Variants in SVIL observed in about 807,000 individuals in gnomAD.
SVIL encodes the protein archvillin.
Under a neutral mutation model 240.4 loss-of-function variants are expected in SVIL, and 101 were observed. The observed-to-expected ratio is 0.42, with a 90% CI of 0.36 to 0.50. The LOEUF is 0.50. SVIL is among the 20% of genes least tolerant of loss of function. The probability of loss-of-function intolerance (pLI) is 0.01; values close to 1 mark genes in which losing one functional copy is unlikely to be tolerated. For synonymous variants in SVIL, 999 were observed against 1,100.0 expected (o/e 0.91, Z 1.82); for missense variants, 2,512 against 2,818.7 (o/e 0.89, Z 2.46).
At chr10:29,537,464 G>C (rs572891913) in intron 6 of SVIL, among the ~76,000 whole-genome samples, 1 of 152,188 alleles carries the variant, frequency 6.6e-6, no homozygotes, top group Non-Finnish European at 1.5e-5. Flanking sequence ...GAAACATCAT[G>C]GGTAAGGACA....
chr10:29,521,924 C>T (rs1351561989), intron 16 of SVIL, among the ~76,000 whole-genome samples: 1 of 152,110 alleles, frequency 6.6e-6, no homozygotes, highest in Non-Finnish European at 1.5e-5. Context: ...GTAAAAGAAA[C>T]AAAACTTGGA....
At chr10:29,705,832 C>T (rs1033032690) in intron 1 of SVIL, among the ~76,000 whole-genome samples, 1 of 152,138 alleles carries the variant, frequency 6.6e-6, no homozygotes, top group African/African-American at 2.4e-5. Context: ...CCTTTTTATG[C>T]CTGCATAGTA....
intron 1 of SVIL, among the ~76,000 whole-genome samples, chr10:29,695,601 A>C (rs1961867488): frequency 6.6e-6 from 1 of 151,890 alleles, no homozygotes; most frequent in Non-Finnish European, 1.5e-5. Flanking sequence ...AAAATTAGCC[A>C]GGTGTGGTGG....
chr10:29,653,222 C>A (rs1327777070), intron 3 of SVIL, among the ~76,000 whole-genome samples: 1 of 152,152 alleles, frequency 6.6e-6, no homozygotes, highest in African/African-American at 2.4e-5. Flanking sequence ...GTGATTGGAT[C>A]GTGGGGGCAA....
intron 1 of SVIL, among the ~76,000 whole-genome samples, chr10:29,695,635 T>C (rs1470432816): frequency 2.0e-5 from 3 of 151,844 alleles, no homozygotes; most frequent in Non-Finnish European, 4.4e-5. Flanking sequence ...TCCCAGCTAC[T>C]CAGGATGCTG....
At chr10:29,706,088 T>A (rs1962872743) in intron 1 of SVIL, among the ~76,000 whole-genome samples, 1 of 152,202 alleles carries the variant, frequency 6.6e-6, no homozygotes. Flanking sequence ...GTTCCATGTC[T>A]TTGCTATTGT....
rs1236733617 is a variant in SVIL at position 29,518,173 on chromosome 10, A to G, written c.3389+4237T>C. On this transcript the variant is annotated intron_variant, in intron 16 of 37. Transcript: ENST00000355867. ...GAGGCCTAGACGGGTGGATCACTGGAGGTCAGGAGTTTGACACCAGCCTGG... is the reference window on the plus strand; with the variant it reads ...GAGGCCTAGACGGGTGGATCACTGGGGGTCAGGAGTTTGACACCAGCCTGG... Among the ~76,000 whole-genome samples the G allele has an allele frequency of 2.0e-5, 3 of 152,310 alleles. No individual in the cohort carries two copies. In the East Asian group the frequency reaches 5.8e-4, roughly 29 times the overall value.
chr10:29,495,409 G>A (rs997419035), intron 18 of SVIL, among the ~76,000 whole-genome samples: 30 of 152,114 alleles, frequency 2.0e-4, no homozygotes, highest in Non-Finnish European at 2.9e-4. Context: ...CTGACAAGCC[G>A]ATATTCCAAA....
chr10:29,696,779 G>A (rs1401977273), intron 1 of SVIL, among the ~76,000 whole-genome samples: 2 of 151,498 alleles, frequency 1.3e-5, no homozygotes, highest in Non-Finnish European at 2.9e-5. Flanking sequence ...TGGGAAGTGA[G>A]GAGCATCTCC....
Position 29,551,377 on chromosome 10 carries a change from G to C in SVIL, c.161-114C>G. 8.7e-6 allele frequency: 9 copies of C among 1,032,948 alleles called. No homozygotes were observed. In the South Asian group the frequency reaches 1.4e-4, roughly 16 times the overall value. The allele number at this position is 1,032,948 out of a possible 1,614,324, so 64.0% of individuals were successfully genotyped here. A position where few individuals can be genotyped will look rare whatever the true frequency, so the allele number is the denominator to read the frequency against. On this transcript the variant is annotated intron_variant, in intron 5 of 37. Transcript: ENST00000355867. Reference sequence around the variant, plus strand: ...ACACCTGGGTGCCCATGCTGTGAAGGACCAGTTTCTCACCGAGGTGTGTTT... The same window carrying C: ...ACACCTGGGTGCCCATGCTGTGAAGCACCAGTTTCTCACCGAGGTGTGTTT...
At chr10:29,646,179 C>G (rs189125002) in intron 3 of SVIL, among the ~76,000 whole-genome samples, 33 of 152,298 alleles carry the variant, frequency 2.2e-4, no homozygotes, top group African/African-American at 7.7e-4. Flanking sequence ...GCAATGAGTT[C>G]TTTTCCAAAG....
At chr10:29,670,797 A>G (rs1959710581) in intron 2 of SVIL, among the ~76,000 whole-genome samples, 1 of 152,204 alleles carries the variant, frequency 6.6e-6, no homozygotes, top group African/African-American at 2.4e-5. Context: ...CCTCCATATT[A>G]TAAGATTTTG....
chr10:29,628,745 A>C (rs560133097), intron 1 of SVIL, among the ~76,000 whole-genome samples: 1 of 152,368 alleles, frequency 6.6e-6, no homozygotes, highest in South Asian at 2.1e-4. Flanking sequence ...AATGCATTCC[A>C]CCTGAAATGG....
intron 1 of SVIL, among the ~76,000 whole-genome samples, chr10:29,714,413 C>T (rs1051771729): frequency 2.0e-5 from 3 of 152,096 alleles, no homozygotes; most frequent in African/African-American, 4.8e-5. Flanking sequence ...ACATTCACCA[C>T]GAGTCTTTCC....
At position 29,633,921 on chromosome 10, in the gene SVIL, T is replaced by TGA. The variant is rs199857854; in HGVS notation, c.-201+497_-201+498dup. Among the ~76,000 whole-genome samples, 694 of 152,260 alleles carry TGA rather than the reference T, an allele frequency of 4.6e-3. 6 individuals carry two copies. Among genetic ancestry groups the TGA allele is most frequent in the African/African-American group, 0.015 (634 of 41,558 alleles). On this transcript the variant is annotated intron_variant, in intron 1 of 37. Transcript: ENST00000355867. ...GTTCTAGAAATCAAGCCCTGAAGAATGAGAGTACCAAGGCAAAGAACCCTC... is the reference window on the plus strand; with the variant it reads ...GTTCTAGAAATCAAGCCCTGAAGAATGAGAGAGTACCAAGGCAAAGAACCCTC...
chr10:29,626,587 T>C (rs1038195174), intron 1 of SVIL, among the ~76,000 whole-genome samples: 2 of 152,192 alleles, frequency 1.3e-5, no homozygotes, highest in African/African-American at 4.8e-5. Context: ...TGTGACCACT[T>C]TGGGGTTTCA....
At chr10:29,695,485 C>T (rs1961857437) in intron 1 of SVIL, among the ~76,000 whole-genome samples, 2 of 152,130 alleles carry the variant, frequency 1.3e-5, no homozygotes, top group Non-Finnish European at 2.9e-5. Context: ...GTGGCTCACG[C>T]CTGTAATCCC....
intron 1 of SVIL, among the ~76,000 whole-genome samples, chr10:29,632,364 G>A (rs1472140109): frequency 1.3e-5 from 2 of 151,992 alleles, no homozygotes; most frequent in African/African-American, 4.8e-5. Flanking sequence ...AGTGGCATAT[G>A]CCTGTAATCC....
chr10:29,633,236 C>CAAAAAAAAAAAAA (rs5784146), intron 1 of SVIL, among the ~76,000 whole-genome samples: 1 of 71,076 alleles, frequency 1.4e-5, no homozygotes. Context: ...GACTCCATCT[C>CAAAAAAAAAAAAA]AAAAAAAAAA....
Sources: gnomAD v4.1 joint callset for allele counts (sites outside exome capture counted in the v4.1 genomes callset) on GRCh38, gnomAD v4.1.1 for gene constraint, MANE v1.5 for transcripts, NCBI Gene and HGNC (gene_info 2026-07-23, HGNC 2026-07-21) for gene names.